The following PINX1 variants were observed in gnomAD, a reference collection of about 807,000 sequenced individuals.
The protein encoded by PINX1 is PIN2/TERF1-interacting telomerase inhibitor 1.
A neutral mutation model predicts 25.4 loss-of-function variants in PINX1; 34 were observed. The ratio of observed to expected loss-of-function variants is 1.34; its 90% confidence interval spans 1.02 to 1.78. The LOEUF (loss-of-function observed/expected upper bound fraction) is 1.78. Among genes scored for constraint, PINX1 ranks in the 40% most tolerant of loss-of-function variants. The probability of loss-of-function intolerance (pLI) is 0.00; values close to 1 mark genes in which losing one functional copy is unlikely to be tolerated. For synonymous variants in PINX1, 197 were observed against 147.7 expected, an observed-to-expected ratio of 1.33 and a Z score of -2.42; for missense variants, 592 against 404.9, an observed-to-expected ratio of 1.46 and a Z score of -3.97.
chr8:10,766,452 G>A (rs1486590786), intron 6 of PINX1, among the ~76,000 whole-genome samples: 2 of 152,194 alleles, frequency 1.3e-5, no homozygotes, highest in African/African-American at 4.8e-5. Flanking sequence ...CTGGAACCTG[G>A]CTTGCCAGGG....
At chr8:10,806,322 G>C (rs539271257) in intron 6 of PINX1, among the ~76,000 whole-genome samples, 4 of 152,218 alleles carry the variant, frequency 2.6e-5, no homozygotes, top group African/African-American at 4.8e-5. Context: ...ACGCACGTGT[G>C]GGGGAGAGGT....
chr8:10,810,284 G>A (rs1350482331), intron 6 of PINX1, among the ~76,000 whole-genome samples: 2 of 152,106 alleles, frequency 1.3e-5, no homozygotes, highest in Non-Finnish European at 2.9e-5. Flanking sequence ...CTGATTTAAC[G>A]ATGACTTCCA....
intron 6 of PINX1, among the ~76,000 whole-genome samples, chr8:10,811,593 G>A (rs1483818869): frequency 6.6e-6 from 1 of 152,182 alleles, no homozygotes; most frequent in Non-Finnish European, 1.5e-5. Context: ...TCCTGGCTCA[G>A]GGTCTCTCAC....
chr8:10,772,342 G>A (rs1427521951), intron 6 of PINX1, among the ~76,000 whole-genome samples: 1 of 152,238 alleles, frequency 6.6e-6, no homozygotes, highest in Non-Finnish European at 1.5e-5. Context: ...ACTGAAGGCT[G>A]AGCTAGGCAG....
At chr8:10,776,631 G>A (rs1248144886) in intron 6 of PINX1, among the ~76,000 whole-genome samples, 5 of 152,032 alleles carry the variant, frequency 3.3e-5, no homozygotes, top group African/African-American at 9.7e-5. Flanking sequence ...GCTGCTAACT[G>A]GGTCCTCTTG....
intron 6 of PINX1, among the ~76,000 whole-genome samples, chr8:10,817,779 C>T (rs1002784811): frequency 6.6e-6 from 1 of 152,144 alleles, no homozygotes; most frequent in African/African-American, 2.4e-5. Context: ...CCTGTACACA[C>T]GGCAGGACTT....
intron 4 of PINX1, among the ~76,000 whole-genome samples, chr8:10,830,720 G>A (rs1798203053): frequency 1.3e-5 from 2 of 152,168 alleles, no homozygotes; most frequent in East Asian, 1.9e-4. Context: ...ATGAAAAGAT[G>A]CTTAACATCA....
chr8:10,779,575 T>C (rs1369198947), intron 6 of PINX1, among the ~76,000 whole-genome samples: 1 of 152,158 alleles, frequency 6.6e-6, no homozygotes, highest in South Asian at 2.1e-4. Flanking sequence ...GATCAAGTTA[T>C]TGGCATTACT....
intron 6 of PINX1, among the ~76,000 whole-genome samples, chr8:10,785,891 A>G (rs1801732651): frequency 1.3e-5 from 2 of 152,178 alleles, no homozygotes; most frequent in South Asian, 4.1e-4. Context: ...TAGCTAGACA[A>G]GTGTTTAGGT....
chr8:10,837,578 G>T (rs1224310442), intron 1 of PINX1, among the ~76,000 whole-genome samples: 1 of 152,188 alleles, frequency 6.6e-6, no homozygotes, highest in East Asian at 1.9e-4. Flanking sequence ...TGGGCCTCAG[G>T]TAGAATGCCC....
At chr8:10,785,956 C>G (rs1801734531) in intron 6 of PINX1, among the ~76,000 whole-genome samples, 1 of 152,172 alleles carries the variant, frequency 6.6e-6, no homozygotes, top group Admixed American at 6.5e-5. Flanking sequence ...TGAAAAGATT[C>G]TGGACTGCGT....
At chr8:10,839,643 G>T in intron 1 of PINX1, 95 bp downstream of exon 1, 1 of 1,316,186 alleles carries the variant, frequency 7.6e-7, no homozygotes, top group Admixed American at 2.0e-5. Flanking sequence ...CAGGCGCGCC[G>T]GCAACCCGAG....
intron 4 of PINX1, 63 bp downstream of exon 4, chr8:10,831,602 G>T (rs1798228264): frequency 9.6e-7 from 1 of 1,037,702 alleles, no homozygotes; most frequent in Non-Finnish European, 1.5e-6. Flanking sequence ...AATAATAAAA[G>T]CAAAAAACAA....
intron 6 of PINX1, among the ~76,000 whole-genome samples, chr8:10,796,707 C>T (rs918947585): frequency 5.5e-4 from 84 of 151,396 alleles, no homozygotes; most frequent in African/African-American, 1.9e-3. Flanking sequence ...CCTTGTGTAG[C>T]TTTCCTCAAC....
intron 4 of PINX1, among the ~76,000 whole-genome samples, chr8:10,828,474 C>A (rs911650101): frequency 6.6e-6 from 1 of 152,142 alleles, no homozygotes; most frequent in African/African-American, 2.4e-5. Flanking sequence ...GAGGACGACA[C>A]TGATAAGGCA....
intron 5 of PINX1, chr8:10,825,507 C>A: frequency 1.9e-6 from 1 of 530,466 alleles, no homozygotes; most frequent in South Asian, 1.4e-5. Flanking sequence ...AATGCAAGAT[C>A]GCCACCTAGT....
chr8:10,806,343 C>A (rs1313638956), intron 6 of PINX1, among the ~76,000 whole-genome samples: 2 of 152,180 alleles, frequency 1.3e-5, no homozygotes, highest in Non-Finnish European at 2.9e-5. Flanking sequence ...CTCCATGACA[C>A]CACGGCCGTA....
At chr8:10,834,477 G>A in intron 2 of PINX1, 189 bp downstream of exon 2, 1 of 781,416 alleles carries the variant, frequency 1.3e-6, no homozygotes, top group Non-Finnish European at 2.0e-6. Context: ...CAGCTTAAAT[G>A]ATAGAAAGTT....
chr8:10,825,625 T>C (rs1040895466), intron 5 of PINX1, among the ~76,000 whole-genome samples: 1 of 152,236 alleles, frequency 6.6e-6, no homozygotes, highest in African/African-American at 2.4e-5. Context: ...AACGGCTTTT[T>C]ACCCGACTTG....
Sources: gnomAD v4.1 joint callset for allele counts (sites outside exome capture counted in the v4.1 genomes callset) on GRCh38, gnomAD v4.1.1 for gene constraint, MANE v1.5 for transcripts, NCBI Gene and HGNC (gene_info 2026-07-23, HGNC 2026-07-21) for gene names.